Variants in DCDC1 observed in about 807,000 individuals in gnomAD.
The protein encoded by DCDC1 is doublecortin domain-containing protein 1.
DCDC1 carries 200 observed loss-of-function variants against 178.3 expected under a neutral mutation model. The observed-to-expected ratio is 1.12, with a 90% CI of 1.00 to 1.26. The LOEUF (loss-of-function observed/expected upper bound fraction) is 1.26, where lower values mean the gene tolerates loss of function less well. Ranked by LOEUF, DCDC1 falls within the 50% of genes most tolerant of loss-of-function variation. The pLI is 0.00. For synonymous variants in DCDC1, 690 were observed against 604.8 expected (o/e 1.14, Z -2.07); for missense variants, 1,983 against 1,749.2 (o/e 1.13, Z -2.38).
intron 8 of DCDC1, among the ~76,000 whole-genome samples, chr11:31,255,262 T>A (rs1944335080): frequency 6.6e-6 from 1 of 152,218 alleles, no homozygotes; most frequent in Non-Finnish European, 1.5e-5. Flanking sequence ...TAAACATGCA[T>A]GTACATATAC....
chr11:30,868,609 C>T (rs911881429), intron 38 of DCDC1, among the ~76,000 whole-genome samples: 1 of 152,090 alleles, frequency 6.6e-6, no homozygotes, highest in Admixed American at 6.6e-5. Context: ...CACCCAGGAG[C>T]TCCTGAAAGA....
chr11:30,877,115 G>T lies in DCDC1; in HGVS notation c.*40+1429C>A, dbSNP rs566171504. On this transcript the variant is annotated intron_variant, in intron 38 of 38. Coordinates refer to ENST00000684477, the MANE Select transcript of DCDC1 (RefSeq NM_001387274.1). ...TTCACCTCAATGTGCTTTGCTTTTA[G>T]TGGTGTCAGAGGCAGCAGGAATTTA... Among the ~76,000 whole-genome samples, 3 of 152,252 alleles carry T rather than the reference G, an allele frequency of 2.0e-5. No homozygotes were observed. In the South Asian group the frequency reaches 6.2e-4, roughly 32 times the overall value.
intron 8 of DCDC1, among the ~76,000 whole-genome samples, chr11:31,245,572 G>A (rs1943499837): frequency 6.6e-6 from 1 of 151,458 alleles, no homozygotes; most frequent in South Asian, 2.1e-4. Context: ...AGACTAAGGA[G>A]GAAAATAAAT....
intron 20 of DCDC1, among the ~76,000 whole-genome samples, chr11:31,062,748 G>A (rs1956006367): frequency 6.6e-6 from 1 of 151,760 alleles, no homozygotes; most frequent in Non-Finnish European, 1.5e-5. Flanking sequence ...GGTGGAATAT[G>A]TAATTTAGTA....
intron 9 of DCDC1, among the ~76,000 whole-genome samples, chr11:31,145,964 T>C (rs546140889): frequency 1.1e-4 from 16 of 152,300 alleles, no homozygotes; most frequent in African/African-American, 3.8e-4. Context: ...AATAACTAAA[T>C]GACTGAGTTA....
chr11:31,166,291 GCTATTTAAAAACCATTACGATTTTTA>G (rs1216960106), intron 9 of DCDC1, among the ~76,000 whole-genome samples: 6 of 152,104 alleles, frequency 3.9e-5, no homozygotes, highest in Admixed American at 2.6e-4. Context: ...TGTAAGGAAA[GCTATTTAAAAACCATTACGATTTTTA>G]CTATTTTATG....
intron 13 of DCDC1, among the ~76,000 whole-genome samples, chr11:31,106,264 A>G (rs1958834008): frequency 6.6e-6 from 1 of 152,232 alleles, no homozygotes; most frequent in South Asian, 2.1e-4. Context: ...TTACCAATTT[A>G]TCTTTAGCTG....
chr11:31,296,259 T>C (rs1051777384), intron 6 of DCDC1, among the ~76,000 whole-genome samples: 5 of 152,206 alleles, frequency 3.3e-5, no homozygotes, highest in Non-Finnish European at 7.3e-5. Flanking sequence ...TCTGATGCCA[T>C]TCAAACTTTC....
chr11:30,985,316 TAAAATTAA>T (rs1950585468), intron 20 of DCDC1, among the ~76,000 whole-genome samples: 1 of 152,192 alleles, frequency 6.6e-6, no homozygotes, highest in African/African-American at 2.4e-5. Context: ...TTCTGAACTT[TAAAATTAA>T]AATGCCTGTA....
At chr11:31,016,339 C>A (rs143337296) in intron 20 of DCDC1, among the ~76,000 whole-genome samples, 95 of 152,222 alleles carry the variant, frequency 6.2e-4, no homozygotes, top group African/African-American at 2.1e-3. Context: ...AATTCTCAGA[C>A]CTTAAGGCTG....
chr11:30,972,486 A>G (rs972825032), intron 20 of DCDC1, among the ~76,000 whole-genome samples: 2 of 152,154 alleles, frequency 1.3e-5, no homozygotes, highest in African/African-American at 4.8e-5. Context: ...ACTTGGAAAC[A>G]AGAGGATGAT....
At chr11:31,343,701 T>C (rs1017485528) in intron 1 of DCDC1, among the ~76,000 whole-genome samples, 2 of 152,220 alleles carry the variant, frequency 1.3e-5, no homozygotes, top group Admixed American at 6.5e-5. Flanking sequence ...GGTAGACCAC[T>C]TGAGGTCAGG....
chr11:31,168,240 C>T (rs1966856394), intron 9 of DCDC1, among the ~76,000 whole-genome samples: 1 of 152,170 alleles, frequency 6.6e-6, no homozygotes, highest in Non-Finnish European at 1.5e-5. Flanking sequence ...ACACAATTAG[C>T]ACCTCACTAT....
intron 9 of DCDC1, among the ~76,000 whole-genome samples, chr11:31,143,081 A>G (rs1260551715): frequency 1.3e-5 from 2 of 152,208 alleles, no homozygotes; most frequent in African/African-American, 2.4e-5. Context: ...TTAAGGAGAC[A>G]ATTAAAAAAC....
intron 20 of DCDC1, among the ~76,000 whole-genome samples, chr11:30,955,661 C>T (rs528954174): frequency 6.6e-6 from 1 of 152,198 alleles, no homozygotes; most frequent in African/African-American, 2.4e-5. Context: ...CCAATAATTC[C>T]TCAACTCTTC....
intron 36 of DCDC1, among the ~76,000 whole-genome samples, chr11:30,888,106 G>GAAAGAAAGAAAGAAAGAA (rs1565029820): frequency 0.011 from 917 of 84,470 alleles, 8 homozygotes; most frequent in Middle Eastern, 0.041. Context: ...GAAAAAGAAA[G>GAAAGAAAGAAAGAAAGAA]AAAGAAAGAA....
intron 22 of DCDC1, 127 bp from the exon 23 acceptor site, chr11:30,925,535 G>T: frequency 1.3e-6 from 1 of 797,832 alleles, no homozygotes; most frequent in South Asian, 1.8e-5. Context: ...TTAGTCATGA[G>T]CTGGACTCTG....
At chr11:31,002,048 T>C (rs1052179024) in intron 20 of DCDC1, among the ~76,000 whole-genome samples, 1 of 152,220 alleles carries the variant, frequency 6.6e-6, no homozygotes. Context: ...CAGAAAATAC[T>C]TTCCCAAAAT....
intron 10 of DCDC1, among the ~76,000 whole-genome samples, chr11:31,137,164 T>C (rs1198384667): frequency 2.0e-5 from 3 of 152,124 alleles, no homozygotes; most frequent in African/African-American, 7.2e-5. Flanking sequence ...ATGAGACTTT[T>C]TTCAGAAAAT....
Sources: allele counts gnomAD v4.1 joint callset (sites outside exome capture counted in the v4.1 genomes callset), GRCh38; gene constraint gnomAD v4.1.1; transcripts MANE v1.5; gene names NCBI Gene and HGNC (gene_info 2026-07-23, HGNC 2026-07-21).